The following PHC2 variants were observed in gnomAD, a reference collection of about 807,000 sequenced individuals.
PHC2 encodes polyhomeotic-like protein 2.
A neutral mutation model predicts 87.4 loss-of-function variants in PHC2; 29 were observed. That is an observed-to-expected ratio of 0.33 (90% CI 0.25 to 0.45). PHC2 has a LOEUF of 0.45. Among genes scored for constraint, PHC2 ranks in the 20% least tolerant of loss-of-function variants. The pLI is 1.00. For synonymous variants in PHC2, 438 were observed against 461.7 expected (o/e 0.95, Z 0.66); for missense variants, 857 against 1,136.7 (o/e 0.75, Z 3.54).
At chr1:33,327,935 C>T (rs1189195598) in intron 14 of PHC2, among the ~76,000 whole-genome samples, 3 of 152,236 alleles carry the variant, frequency 2.0e-5, no homozygotes, top group Non-Finnish European at 4.4e-5. Flanking sequence ...TCCTTACCCA[C>T]AGCAACTGTG....
At chr1:33,345,710 T>C (rs780506942) in intron 9 of PHC2, 1 of 984,922 alleles carries the variant, frequency 1.0e-6, no homozygotes, top group African/African-American at 1.7e-5. Flanking sequence ...CTTTTGTTAC[T>C]GATGGGGAAA....
intron 1 of PHC2, among the ~76,000 whole-genome samples, chr1:33,377,644 C>A (rs1377755368): frequency 6.6e-6 from 1 of 151,782 alleles, no homozygotes; most frequent in Non-Finnish European, 1.5e-5. Flanking sequence ...TTGTTTGTCA[C>A]CCCATCACAC....
chr1:33,372,242 C>A, intron 3 of PHC2, 47 bp downstream of exon 3: 1 of 1,478,960 alleles, frequency 6.8e-7, no homozygotes, highest in East Asian at 2.4e-5. Context: ...TTTGCTTCCA[C>A]AACCAGGATG....
At chr1:33,367,793 G>C (rs920007580) in intron 6 of PHC2, among the ~76,000 whole-genome samples, 4 of 152,156 alleles carry the variant, frequency 2.6e-5, no homozygotes, top group Admixed American at 1.3e-4. Flanking sequence ...CCAGTGAGGG[G>C]GAGCATGGGG....
At chr1:33,370,325 G>A in intron 5 of PHC2, 96 bp downstream of exon 5, 1 of 1,210,812 alleles carries the variant, frequency 8.3e-7, no homozygotes. Context: ...TGCCCCTAGT[G>A]CTTCCTCCCC....
In PHC2 at chr1:33,391,944, G is replaced by GCT. The variant is rs1649073667; in HGVS notation, c.-54-16353_-54-16352dup. Among the ~76,000 whole-genome samples the GCT allele has an allele frequency of 3.3e-5, 5 of 152,290 alleles. No homozygotes were observed. In the South Asian group the frequency reaches 1.0e-3, roughly 32 times the overall value. On this transcript the variant is annotated intron_variant, in intron 1 of 14. Coordinates refer to ENST00000683057, the MANE Select transcript of PHC2 (RefSeq NM_001385109.1). ...GCTCTAGTGTAAGGGCAGGGTCATT[G>GCT]CTAGGGAGCTCAAAAGGAAGGCAAG... is the stretch of plus-strand genomic sequence containing the variant.
chr1:33,403,801 A>T (rs1649642909), intron 1 of PHC2, among the ~76,000 whole-genome samples: 1 of 152,190 alleles, frequency 6.6e-6, no homozygotes, highest in Non-Finnish European at 1.5e-5. Flanking sequence ...GCAGCATTCA[A>T]CACTGCTGAC....
At chr1:33,335,906 G>A (rs1010648889) in intron 9 of PHC2, among the ~76,000 whole-genome samples, 1 of 144,740 alleles carries the variant, frequency 6.9e-6, no homozygotes, top group Admixed American at 6.8e-5. Context: ...TCTTGGGGGG[G>A]GAGGGGGGGA....
At chr1:33,327,354 G>A (rs1387842017) in intron 14 of PHC2, among the ~76,000 whole-genome samples, 2 of 152,172 alleles carry the variant, frequency 1.3e-5, no homozygotes, top group Admixed American at 1.3e-4. Context: ...TCACCTCAAT[G>A]ATGAGAGCCT....
chr1:33,349,626 G>A lies in PHC2; in HGVS notation c.1558+4775C>T. ...CCAGGGCCCGGCTGGGCCTGGCCGG[G>A]CGGGGCCTACGCAGCCCCTCGGCCG... On this transcript the variant is annotated intron_variant, in intron 9 of 14. Transcript: ENST00000683057. The surrounding 1 kb of genome is among the most constrained non-coding windows in gnomAD (Gnocchi z 4.2). 6.1e-6 allele frequency: 6 copies of A among 983,576 alleles called. No individual in the cohort carries two copies. Among genetic ancestry groups the A allele is most frequent in the Non-Finnish European group, 7.2e-6 (6 of 829,316 alleles). 60.9% of individuals were successfully genotyped at this position (983,576 alleles called of 1,614,324 possible).
chr1:33,406,148 G>C (rs1354397078), intron 1 of PHC2, among the ~76,000 whole-genome samples: 2 of 151,934 alleles, frequency 1.3e-5, no homozygotes, highest in Non-Finnish European at 2.9e-5. Context: ...TGGAATTTTT[G>C]CTTTAAGTAT....
chr1:33,345,727 G>C, intron 9 of PHC2: 1 of 984,716 alleles, frequency 1.0e-6, no homozygotes, highest in Non-Finnish European at 1.2e-6. Flanking sequence ...GAAAAATCCA[G>C]AATTTGTAAT....
intron 1 of PHC2, among the ~76,000 whole-genome samples, chr1:33,426,929 T>A (rs1255466439): frequency 6.6e-6 from 1 of 152,132 alleles, no homozygotes; most frequent in Non-Finnish European, 1.5e-5. Context: ...CATTAAGAAT[T>A]TCAAGACAGC....
chr1:33,346,429 C>T (rs1348814607), intron 9 of PHC2: 1 of 985,146 alleles, frequency 1.0e-6, no homozygotes. Context: ...TATGAAGACT[C>T]CTCATTCTCA....
chr1:33,338,593 G>A (rs1033966376), intron 9 of PHC2, among the ~76,000 whole-genome samples: 4 of 152,298 alleles, frequency 2.6e-5, no homozygotes, highest in Non-Finnish European at 5.9e-5. Flanking sequence ...TCTGCTTCCC[G>A]CTCTCCCAGA....
Position 33,349,762 on chromosome 1 carries a change from C to A in PHC2, c.1558+4639G>T. The A allele has an allele frequency of 1.0e-6, 1 of 981,164 alleles. No individual in the cohort carries two copies. Among genetic ancestry groups the A allele is most frequent in the South Asian group, 4.6e-5 (1 of 21,934 alleles). The allele number at this position is 981,164 out of a possible 1,614,324, so 60.8% of individuals were successfully genotyped here. On this transcript the variant is annotated intron_variant, in intron 9 of 14. Coordinates refer to ENST00000683057, the MANE Select transcript of PHC2 (RefSeq NM_001385109.1). The surrounding 1 kb of genome is among the most constrained non-coding windows in gnomAD (Gnocchi z 4.2). ...GGCGCATCCGACCGCACCGGCCTGG[C>A]CGGCGTCAACAAAGGGCGGCCGGGG...
chr1:33,365,300 C>T (rs1387111975), intron 7 of PHC2, among the ~76,000 whole-genome samples: 1 of 152,192 alleles, frequency 6.6e-6, no homozygotes, highest in East Asian at 1.9e-4. Flanking sequence ...GAGTGCTGGT[C>T]CCGTTTCTGT....
intron 6 of PHC2, 141 bp from the exon 7 acceptor site, chr1:33,367,569 G>A (rs752335731): frequency 2.9e-6 from 2 of 693,848 alleles, no homozygotes; most frequent in South Asian, 2.3e-5. Flanking sequence ...AATGTGTTAG[G>A]GGCTAGAAGA....
Position 33,324,008 on chromosome 1 carries a change from A to G in PHC2, c.*857T>C, listed in dbSNP as rs1485983655. 3.3e-5 allele frequency: 5 copies of G among 152,298 alleles called. No individual in the cohort carries two copies. The highest frequency in any genetic ancestry group is 2.9e-5 in the Non-Finnish European group (2 of 68,090). The allele number at this position is 152,298 out of a possible 1,614,324, so 9.4% of individuals were successfully genotyped here. A position where few individuals can be genotyped will look rare whatever the true frequency, so the allele number is the denominator to read the frequency against. ...CCCTTTGGGCTATGTTGCTCAGACC[A>G]CCGCAGCTTTCTTAATGCTCTTTGT... On this transcript the variant is annotated 3_prime_UTR_variant, in exon 15 of 15. Transcript: ENST00000683057.
Sources: allele counts gnomAD v4.1 joint callset (sites outside exome capture counted in the v4.1 genomes callset), GRCh38; gene constraint gnomAD v4.1.1; non-coding constraint Gnocchi (gnomAD v3.1); transcripts MANE v1.5; gene names NCBI Gene and HGNC (gene_info 2026-07-23, HGNC 2026-07-21).